PLEKHA5: variants seen among roughly 807,000 people sequenced by gnomAD.
PLEKHA5 encodes pleckstrin homology domain-containing family A member 5.
Under a neutral mutation model 181.9 loss-of-function variants are expected in PLEKHA5, and 55 were observed. The ratio of observed to expected loss-of-function variants is 0.30; its 90% CI spans 0.24 to 0.38. PLEKHA5 has a LOEUF of 0.38. Ranked by LOEUF, PLEKHA5 falls within the 10% of genes least tolerant of loss-of-function variation. PLEKHA5 has a pLI of 1.00. For synonymous variants in PLEKHA5, 535 were observed against 529.4 expected, an observed-to-expected ratio of 1.01 and a Z score of -0.15; for missense variants, 1,432 against 1,549.5, an observed-to-expected ratio of 0.92 and a Z score of 1.27.
intron 20 of PLEKHA5, among the ~76,000 whole-genome samples, chr12:19,335,582 ATTTTTTTTT>A (rs34158055): frequency 1.9e-5 from 2 of 108,000 alleles, no homozygotes; most frequent in Non-Finnish European, 3.8e-5. Context: ...CGCCTGGCTA[ATTTTTTTTT>A]TTTTTTTTTT....
At chr12:19,221,913 C>T (rs1030459041) in intron 3 of PLEKHA5, among the ~76,000 whole-genome samples, 3 of 152,054 alleles carry the variant, frequency 2.0e-5, no homozygotes, top group Admixed American at 6.6e-5. Context: ...ACAGAAAAAG[C>T]ACTGGGTGAA....
In PLEKHA5 at chr12:19,353,956, C is replaced by T. The variant is rs779499469; in HGVS notation, c.3092C>T (p.Ser1031Phe). Reference sequence around the variant, plus strand: ...ACACCCGAATCTTCGACAATAGCTTCCTATGTAACCTTGAGGAAAACTAAG... The same window carrying T: ...ACACCCGAATCTTCGACAATAGCTTTCTATGTAACCTTGAGGAAAACTAAG... The part of the protein sequence containing the change: ...SPTPESSTIA[S>F]YVTLRKTKKM... Residue 1031 changes from serine (S) to phenylalanine (F), a missense_variant, in exon 26 of 32, where the codon TCC becomes TTC. Transcript: ENST00000429027. 8 of 1,608,454 alleles carry T rather than the reference C, an allele frequency of 5.0e-6. No homozygotes were observed.
At chr12:19,375,122 G>A (rs1444469329) in intron 31 of PLEKHA5, among the ~76,000 whole-genome samples, 10 of 151,796 alleles carry the variant, frequency 6.6e-5, no homozygotes, top group African/African-American at 2.4e-4. Flanking sequence ...CCAGGGGTTC[G>A]AGACCAGCCT....
chr12:19,259,522 G>A (rs991549588), intron 6 of PLEKHA5, among the ~76,000 whole-genome samples: 3 of 152,128 alleles, frequency 2.0e-5, no homozygotes, highest in African/African-American at 7.2e-5. Context: ...AGGCCAAGGT[G>A]GGTGGATCAC....
chr12:19,229,048 T>C (rs2060073101), intron 3 of PLEKHA5, among the ~76,000 whole-genome samples: 1 of 152,140 alleles, frequency 6.6e-6, no homozygotes, highest in Non-Finnish European at 1.5e-5. Context: ...GACAAAGAAA[T>C]CTGCCCTCCA....
At chr12:19,332,447 G>A (rs963727920) in intron 20 of PLEKHA5, among the ~76,000 whole-genome samples, 8 of 152,166 alleles carry the variant, frequency 5.3e-5, no homozygotes, top group African/African-American at 1.9e-4. Context: ...AAGGAACACT[G>A]CCAGACTTTT....
chr12:19,212,441 G>A (rs2057103699), intron 3 of PLEKHA5, among the ~76,000 whole-genome samples: 2 of 152,206 alleles, frequency 1.3e-5, no homozygotes, highest in South Asian at 4.1e-4. Context: ...CCAACACTCA[G>A]AGGCCGAGGC....
At chr12:19,349,145 G>T (rs1180197544) in intron 25 of PLEKHA5, among the ~76,000 whole-genome samples, 2 of 149,306 alleles carry the variant, frequency 1.3e-5, no homozygotes, top group Non-Finnish European at 3.0e-5. Context: ...TGTGTGTGAG[G>T]TCTCACTCTG....
At chr12:19,153,757 TG>T (rs2151349602) in intron 3 of PLEKHA5, 1 of 152,314 alleles carries the variant, frequency 6.6e-6, no homozygotes, top group East Asian at 1.9e-4. Flanking sequence ...ATTGTTCTGT[TG>T]GGTTTGTTGA....
chr12:19,238,619 G>A (rs2061824933), intron 3 of PLEKHA5, among the ~76,000 whole-genome samples: 3 of 152,004 alleles, frequency 2.0e-5, no homozygotes, highest in Admixed American at 1.3e-4. Context: ...CTTTAAGTCT[G>A]TATTTTAAAC....
chr12:19,145,616 T>TAA (rs1296936860), intron 3 of PLEKHA5, among the ~76,000 whole-genome samples: 2 of 152,190 alleles, frequency 1.3e-5, no homozygotes, highest in Admixed American at 1.3e-4. Context: ...TCAATAACTG[T>TAA]AAAACATGTC....
At chr12:19,218,259 G>T (rs2058329045) in intron 3 of PLEKHA5, among the ~76,000 whole-genome samples, 1 of 152,122 alleles carries the variant, frequency 6.6e-6, no homozygotes, top group Admixed American at 6.6e-5. Context: ...TCCACAGAGA[G>T]TTATAACAGG....
At chr12:19,184,287 G>A (rs2049305974) in intron 3 of PLEKHA5, among the ~76,000 whole-genome samples, 1 of 152,158 alleles carries the variant, frequency 6.6e-6, no homozygotes, top group Non-Finnish European at 1.5e-5. Context: ...TCAAGCCATA[G>A]TCTATTTGAA....
chr12:19,167,568 T>A (rs1266906933), intron 3 of PLEKHA5, among the ~76,000 whole-genome samples: 2 of 152,064 alleles, frequency 1.3e-5, no homozygotes, highest in Admixed American at 6.6e-5. Context: ...CACATTTTTT[T>A]ATCTCATTTA....
At chr12:19,313,998 A>T (rs1326786387) in intron 15 of PLEKHA5, among the ~76,000 whole-genome samples, 2 of 152,180 alleles carry the variant, frequency 1.3e-5, no homozygotes, top group Non-Finnish European at 2.9e-5. Context: ...AGCGTTACAA[A>T]TTACCATTAT....
intron 20 of PLEKHA5, among the ~76,000 whole-genome samples, chr12:19,335,304 A>T (rs529534074): frequency 6.6e-6 from 1 of 151,944 alleles, no homozygotes; most frequent in East Asian, 1.9e-4. Context: ...AAGTGCTGGG[A>T]TTATAGGCGA....
chr12:19,351,687 G>C (rs1369522287), intron 25 of PLEKHA5, among the ~76,000 whole-genome samples: 1 of 152,048 alleles, frequency 6.6e-6, no homozygotes, highest in Non-Finnish European at 1.5e-5. Context: ...AGAAGCTGGA[G>C]AAAATGCAAA....
chr12:19,312,095 A>T (rs1080065), intron 15 of PLEKHA5, among the ~76,000 whole-genome samples: 7,968 of 152,274 alleles, frequency 0.052, 239 homozygotes, highest in African/African-American at 0.082. Context: ...GGGCACTCAT[A>T]TTTTGAAAGG....
chr12:19,142,965 C>G (rs1328405258), intron 3 of PLEKHA5, among the ~76,000 whole-genome samples: 1 of 152,094 alleles, frequency 6.6e-6, no homozygotes, highest in Non-Finnish European at 1.5e-5. Context: ...AAGGCAAGGT[C>G]TCATTTTTTA....
Sources: allele counts gnomAD v4.1 joint callset (sites outside exome capture counted in the v4.1 genomes callset), GRCh38; gene constraint gnomAD v4.1.1; transcripts MANE v1.5; gene names NCBI Gene and HGNC (gene_info 2026-07-23, HGNC 2026-07-21).